KHDRBS2: variants seen among roughly 807,000 people sequenced by gnomAD.
KHDRBS2 encodes the protein KH RNA binding domain containing, signal transduction associated 2, also known as KH domain-containing, RNA-binding, signal transduction-associated protein 2.
In KHDRBS2, 26 loss-of-function variants were observed where a neutral mutation model predicts 44.3. The ratio of observed to expected loss-of-function variants is 0.59; its 90% CI spans 0.43 to 0.81. The LOEUF (loss-of-function observed/expected upper bound fraction) is 0.81. Ranked by LOEUF, KHDRBS2 falls within the 40% of genes least tolerant of loss-of-function variation. KHDRBS2 has a pLI of 0.00. For missense variants in KHDRBS2, 476 were observed against 433.1 expected (o/e 1.10, Z -0.88); for synonymous variants, 194 against 151.1 (o/e 1.28, Z -2.08).
At chr6:62,210,857 A>G (rs1397327375) in intron 1 of KHDRBS2, among the ~76,000 whole-genome samples, 2 of 152,166 alleles carry the variant, frequency 1.3e-5, no homozygotes, top group Non-Finnish European at 2.9e-5. Flanking sequence ...TAAAGATAAG[A>G]AAGTGAGGCT....
the KHDRBS2 span, among the ~76,000 whole-genome samples, chr6:61,610,756 T>C: frequency 6.6e-6 from 1 of 152,202 alleles, no homozygotes; most frequent in Non-Finnish European, 1.5e-5. Flanking sequence ...TTTTAAAAGC[T>C]AAACATTGTT....
intron 1 of KHDRBS2, among the ~76,000 whole-genome samples, chr6:62,273,174 A>G (rs1840356757): frequency 6.6e-6 from 1 of 152,128 alleles, no homozygotes; most frequent in Admixed American, 6.6e-5. Flanking sequence ...AAATCACACA[A>G]AATTGCTATT....
chr6:62,103,290 G>C (rs1309800372), intron 2 of KHDRBS2, among the ~76,000 whole-genome samples: 2 of 152,134 alleles, frequency 1.3e-5, no homozygotes, highest in Admixed American at 6.6e-5. Flanking sequence ...GTAGTCTGCT[G>C]GGCCCCGGTT....
intron 1 of KHDRBS2, among the ~76,000 whole-genome samples, chr6:62,191,224 C>T (rs1158544467): frequency 8.5e-5 from 13 of 152,194 alleles, no homozygotes; most frequent in South Asian, 2.1e-4. Flanking sequence ...ATTGATCAAC[C>T]GTTCTAGTCT....
At chr6:61,648,003 A>C in the KHDRBS2 span, among the ~76,000 whole-genome samples, 1 of 152,080 alleles carries the variant, frequency 6.6e-6, no homozygotes, top group African/African-American at 2.4e-5. Flanking sequence ...TCCCTTAAAT[A>C]AAAGTAAAAA....
chr6:62,241,083 A>T (rs1834584626), intron 1 of KHDRBS2, among the ~76,000 whole-genome samples: 2 of 152,144 alleles, frequency 1.3e-5, no homozygotes, highest in South Asian at 4.1e-4. Flanking sequence ...GAAAGAATAA[A>T]GTAAAACATA....
intron 4 of KHDRBS2, among the ~76,000 whole-genome samples, chr6:61,959,507 T>C (rs1768160857): frequency 1.3e-5 from 2 of 152,132 alleles, no homozygotes; most frequent in African/African-American, 2.4e-5. Context: ...TCACATGAAA[T>C]TAAAATATCG....
intron 6 of KHDRBS2, among the ~76,000 whole-genome samples, chr6:61,814,266 G>T (rs1181927729): frequency 6.6e-6 from 1 of 152,148 alleles, no homozygotes; most frequent in Non-Finnish European, 1.5e-5. Context: ...CATTATGACT[G>T]AAATTAAAAT....
At chr6:62,013,405 A>G (rs1780651596) in intron 3 of KHDRBS2, among the ~76,000 whole-genome samples, 5 of 152,134 alleles carry the variant, frequency 3.3e-5, no homozygotes, top group African/African-American at 1.2e-4. Flanking sequence ...ATTTACTGAT[A>G]TAAGTTGATC....
chr6:61,972,836 A>G (rs1336070923), intron 4 of KHDRBS2, among the ~76,000 whole-genome samples: 1 of 152,108 alleles, frequency 6.6e-6, no homozygotes. Context: ...TGTTTTCCCT[A>G]TATATTCACC....
In KHDRBS2 at chr6:61,732,666, A is replaced by C; in HGVS notation, c.893+16T>G. On this transcript the variant is annotated intron_variant, in intron 7 of 8. Coordinates refer to ENST00000281156, the MANE Select transcript of KHDRBS2 (RefSeq NM_152688.4). ...GATAATCCTGAGAAGGCTGCTTTAGATAGCAAATGCCTTACCTTTGTGTTT... is the reference window on the plus strand; with the variant it reads ...GATAATCCTGAGAAGGCTGCTTTAGCTAGCAAATGCCTTACCTTTGTGTTT... 1.3e-6 allele frequency: 2 copies of C among 1,516,022 alleles called. No individual in the cohort carries two copies. Among genetic ancestry groups the C allele is most frequent in the Non-Finnish European group, 1.8e-6 (2 of 1,092,538 alleles). 93.9% of individuals were successfully genotyped at this position (1,516,022 alleles called of 1,614,324 possible). A position where few individuals can be genotyped will look rare whatever the true frequency, so the allele number is the denominator to read the frequency against.
intron 1 of KHDRBS2, among the ~76,000 whole-genome samples, chr6:62,191,717 C>A (rs1475923058): frequency 6.6e-6 from 1 of 152,048 alleles, no homozygotes; most frequent in Non-Finnish European, 1.5e-5. Context: ...ACACGGCTCT[C>A]AACACAATGA....
chr6:61,782,687 GTGTATATATATATA>G (rs1292632848), intron 6 of KHDRBS2, among the ~76,000 whole-genome samples: 1 of 22,904 alleles, frequency 4.4e-5, no homozygotes, highest in Non-Finnish European at 7.6e-5. Flanking sequence ...TATAAAGGTT[GTGTATATATATATA>G]TATATATATA....
chr6:61,815,221 T>C (rs928120699), intron 6 of KHDRBS2, among the ~76,000 whole-genome samples: 1 of 152,000 alleles, frequency 6.6e-6, no homozygotes, highest in African/African-American at 2.4e-5. Context: ...ATATACAGCA[T>C]GTATATGCTA....
chr6:61,632,381 A>G, the KHDRBS2 span, among the ~76,000 whole-genome samples: 1 of 152,148 alleles, frequency 6.6e-6, no homozygotes, highest in Non-Finnish European at 1.5e-5. Flanking sequence ...TACTTCATGC[A>G]TTGTACTAGG....
chr6:62,112,375 C>A (rs190579873), intron 2 of KHDRBS2, among the ~76,000 whole-genome samples: 156 of 152,206 alleles, frequency 1.0e-3, no homozygotes, highest in African/African-American at 3.7e-3. Flanking sequence ...TGTTTGAGCA[C>A]CCTTGTGGCT....
chr6:62,210,649 TC>T (rs1828891243), intron 1 of KHDRBS2, among the ~76,000 whole-genome samples: 1 of 152,162 alleles, frequency 6.6e-6, no homozygotes, highest in Non-Finnish European at 1.5e-5. Context: ...AACAGATTAT[TC>T]CTTTTCTATA....
chr6:62,132,933 T>C (rs1381011746), intron 2 of KHDRBS2, among the ~76,000 whole-genome samples: 2 of 152,160 alleles, frequency 1.3e-5, no homozygotes, highest in Non-Finnish European at 2.9e-5. Flanking sequence ...GTTGAGGATA[T>C]AAGGTATGAC....
In KHDRBS2 at chr6:62,216,742, A is replaced by G. The variant is rs1479019660; in HGVS notation, c.92-39430T>C. Among the ~76,000 whole-genome samples the G allele has an allele frequency of 4.1e-5, 6 of 148,114 alleles. No individual in the cohort carries two copies. The East Asian group carries it at 1.2e-3, about 29-fold the overall frequency. ...TTAAGCACTTAACGTTTTTCTCCCA[A>G]TGAGAGAAGTACCAGTTTCAAGTAG... On this transcript the variant is annotated intron_variant, in intron 1 of 8. Transcript: ENST00000281156.
Sources: gnomAD v4.1 joint callset for allele counts (sites outside exome capture counted in the v4.1 genomes callset) on GRCh38, gnomAD v4.1.1 for gene constraint, MANE v1.5 for transcripts, NCBI Gene and HGNC (gene_info 2026-07-23, HGNC 2026-07-21) for gene names.